INPP5D: variants seen among roughly 807,000 people sequenced by gnomAD.
INPP5D encodes phosphatidylinositol 3,4,5-trisphosphate 5-phosphatase 1.
INPP5D carries 33 observed loss-of-function variants against 122.9 expected under a neutral mutation model. That is an observed-to-expected ratio of 0.27 (90% CI 0.20 to 0.36). The LOEUF (loss-of-function observed/expected upper bound fraction) is 0.36. INPP5D is among the 10% of genes least tolerant of loss of function. The probability of loss-of-function intolerance (pLI) is 1.00; values close to 1 mark genes in which losing one functional copy is unlikely to be tolerated. For missense variants in INPP5D, 1,053 were observed against 1,412.7 expected, an observed-to-expected ratio of 0.75 and a Z score of 4.08; for synonymous variants, 584 against 576.2, an observed-to-expected ratio of 1.01 and a Z score of -0.19.
At chr2:233,202,213 G>T (rs1695358250) in intron 25 of INPP5D, among the ~76,000 whole-genome samples, 1 of 152,150 alleles carries the variant, frequency 6.6e-6, no homozygotes, top group Non-Finnish European at 1.5e-5. Context: ...AGGACTTCTT[G>T]CTCCTTCATC....
rs534892466 is a variant in INPP5D at position 233,095,571 on chromosome 2, C to T, written c.198+16173C>T. Reference sequence around the variant, plus strand: ...CTGGGAGGCAGAGGTCGCAGTGAACCGAGCCACTGGACTCCAGCCTAGGCA... The same window carrying T: ...CTGGGAGGCAGAGGTCGCAGTGAACTGAGCCACTGGACTCCAGCCTAGGCA... On this transcript the variant is annotated intron_variant, in intron 2 of 26. Transcript: ENST00000445964. Among the ~76,000 whole-genome samples the T allele has an allele frequency of 5.8e-4, 82 of 141,158 alleles. 1 individual carries two copies. Among genetic ancestry groups the T allele is most frequent in the African/African-American group, 1.8e-3 (66 of 37,556 alleles). 92.6% of individuals were successfully genotyped at this position (141,158 alleles called of 152,430 possible).
Position 233,188,931 on chromosome 2 carries a change from C to T in INPP5D, c.2359-919C>T, listed in dbSNP as rs776877263. Among the ~76,000 whole-genome samples, 4 of 152,188 alleles carry T rather than the reference C, an allele frequency of 2.6e-5. No individual in the cohort carries two copies. Among genetic ancestry groups the T allele is most frequent in the Non-Finnish European group, 5.9e-5 (4 of 68,036 alleles). ...CAACATGGTGCCCAGAGCCCTGTAC[C>T]AGGAGCCTTTTGGTGTCTGGAAAGG... On this transcript the variant is annotated intron_variant, in intron 21 of 26. Transcript: ENST00000445964. This position sits in a 1 kb window ranked among gnomAD's most constrained non-coding sequence, Gnocchi z 4.7.
chr2:233,178,830 C>G (rs1466175559), intron 18 of INPP5D, among the ~76,000 whole-genome samples: 3 of 152,196 alleles, frequency 2.0e-5, no homozygotes, highest in Admixed American at 1.3e-4. Context: ...ACAATGGCCT[C>G]TAAAGGATGG....
rs1691596869 is a variant in INPP5D at position 233,078,873 on chromosome 2, G to A, written c.135-462G>A. On this transcript the variant is annotated intron_variant, in intron 1 of 26. Coordinates refer to ENST00000445964, the MANE Select transcript of INPP5D (RefSeq NM_001017915.3). The surrounding 1 kb of genome is among the most constrained non-coding windows in gnomAD (Gnocchi z 4.6). ...AATTTTTGTATTTTTAGTAGAGATG[G>A]GATTTCACCATGTTGGCCAGGATGG... Among the ~76,000 whole-genome samples, 1 of 151,884 alleles carries A rather than the reference G, an allele frequency of 6.6e-6. No individual in the cohort carries two copies. Among genetic ancestry groups the A allele is most frequent in the East Asian group, 1.9e-4 (1 of 5,180 alleles).
chr2:233,066,701 G>A (rs1574698492), intron 1 of INPP5D, among the ~76,000 whole-genome samples: 1 of 151,830 alleles, frequency 6.6e-6, no homozygotes, highest in Non-Finnish European at 1.5e-5. Flanking sequence ...CTGTCTCCCG[G>A]GTTGAAGTGA....
intron 25 of INPP5D, among the ~76,000 whole-genome samples, chr2:233,198,825 C>T (rs1695255377): frequency 6.6e-6 from 1 of 152,138 alleles, no homozygotes; most frequent in Non-Finnish European, 1.5e-5. Flanking sequence ...TGGTGCATGC[C>T]TGTAATCCCA....
At chr2:233,200,961 A>AAAATAAATAAATAAATAAAT (rs150813540) in intron 25 of INPP5D, among the ~76,000 whole-genome samples, 3 of 141,812 alleles carry the variant, frequency 2.1e-5, no homozygotes, top group Non-Finnish European at 4.6e-5. Flanking sequence ...ACTCCATCTC[A>AAAATAAATAAATAAATAAAT]AAATAAATAA....
chr2:233,149,228 C>T (rs180894897), intron 9 of INPP5D, among the ~76,000 whole-genome samples: 13 of 151,738 alleles, frequency 8.6e-5, no homozygotes, highest in African/African-American at 1.2e-4. Context: ...CTCAGCTTCC[C>T]GAGTAGCTGG....
chr2:233,154,807 A>G (rs1353800084), intron 9 of INPP5D, among the ~76,000 whole-genome samples: 3 of 152,178 alleles, frequency 2.0e-5, no homozygotes, highest in African/African-American at 7.2e-5. Flanking sequence ...CCTCCAATAA[A>G]CTTGTTAAAT....
chr2:233,133,130 G>A (rs1230997006), intron 5 of INPP5D, among the ~76,000 whole-genome samples: 1 of 152,014 alleles, frequency 6.6e-6, no homozygotes, highest in Non-Finnish European at 1.5e-5. Flanking sequence ...ATGGGGTTTT[G>A]CCTTGTTGCC....
At chr2:233,184,288 C>A (rs1432466427) in intron 19 of INPP5D, 120 bp from the exon 20 acceptor site, 1 of 1,404,546 alleles carries the variant, frequency 7.1e-7, no homozygotes, top group African/African-American at 1.4e-5. Flanking sequence ...TCTCCTCCCA[C>A]TAGACTCCCA....
At chr2:233,065,477 T>TG (rs1443312466) in intron 1 of INPP5D, among the ~76,000 whole-genome samples, 1 of 150,898 alleles carries the variant, frequency 6.6e-6, no homozygotes, top group African/African-American at 2.4e-5. Flanking sequence ...CGGGCTAATT[T>TG]TTTTTTTGTG....
At chr2:233,145,755 T>C (rs1693741625) in intron 6 of INPP5D, among the ~76,000 whole-genome samples, 1 of 152,014 alleles carries the variant, frequency 6.6e-6, no homozygotes, top group Non-Finnish European at 1.5e-5. Context: ...GGGATCATTT[T>C]CTCCTCTACG....
intron 9 of INPP5D, among the ~76,000 whole-genome samples, chr2:233,148,670 C>A (rs1266058072): frequency 1.3e-5 from 2 of 152,100 alleles, no homozygotes; most frequent in Non-Finnish European, 2.9e-5. Flanking sequence ...AGCAGCCTCT[C>A]GTTCTGGCTG....
At chr2:233,201,451 C>T (rs535636936) in intron 25 of INPP5D, among the ~76,000 whole-genome samples, 8 of 152,332 alleles carry the variant, frequency 5.3e-5, no homozygotes, top group East Asian at 1.9e-4. Flanking sequence ...CCCCAGGGTA[C>T]GCTTCTAACT....
chr2:233,121,121 C>CTTTT (rs369587747), intron 2 of INPP5D, among the ~76,000 whole-genome samples: 10 of 117,624 alleles, frequency 8.5e-5, no homozygotes, highest in Admixed American at 2.7e-4. Flanking sequence ...TTCTTTCTTT[C>CTTTT]TTTTTTTTTT....
chr2:233,173,027 G>A (rs957878053), intron 17 of INPP5D, among the ~76,000 whole-genome samples: 4 of 152,162 alleles, frequency 2.6e-5, no homozygotes, highest in African/African-American at 7.2e-5. Flanking sequence ...TGGCCAACAC[G>A]GTGAAACCTT....
At chr2:233,146,550 G>T in intron 8 of INPP5D, 112 bp downstream of exon 8, 1 of 688,836 alleles carries the variant, frequency 1.5e-6, no homozygotes, top group South Asian at 1.5e-5. Context: ...GGAAGAGCAG[G>T]GAGCGCATTA....
rs978754539 is a variant in INPP5D at position 233,201,263 on chromosome 2, G to C, written c.2976-2863G>C. On this transcript the variant is annotated intron_variant, in intron 25 of 26. Coordinates refer to ENST00000445964, the MANE Select transcript of INPP5D (RefSeq NM_001017915.3). ...ACCTCTTTGGAGACCCCAGGAAATGGAGCTCTAAGCAACCAGAAAGAAAAA... is the reference window on the plus strand; with the variant it reads ...ACCTCTTTGGAGACCCCAGGAAATGCAGCTCTAAGCAACCAGAAAGAAAAA... Among the ~76,000 whole-genome samples the C allele has an allele frequency of 8.5e-5, 13 of 152,296 alleles. No individual in the cohort carries two copies. In the East Asian group the frequency reaches 2.3e-3, roughly 27 times the overall value.
Sources: gnomAD v4.1 joint callset for allele counts (sites outside exome capture counted in the v4.1 genomes callset) on GRCh38, gnomAD v4.1.1 for gene constraint, Gnocchi (gnomAD v3.1) non-coding constraint, MANE v1.5 for transcripts, NCBI Gene and HGNC (gene_info 2026-07-23, HGNC 2026-07-21) for gene names.